DPP10: variants seen among roughly 807,000 people sequenced by gnomAD.
DPP10 encodes the protein inactive dipeptidyl peptidase 10.
DPP10 carries 33 observed loss-of-function variants against 120.9 expected under a neutral mutation model. The observed-to-expected ratio is 0.27, with a 90% CI of 0.21 to 0.37. DPP10 has a LOEUF of 0.37. Ranked by LOEUF, DPP10 falls within the 10% of genes least tolerant of loss-of-function variation. The pLI is 1.00. For synonymous variants in DPP10, 337 were observed against 326.1 expected (o/e 1.03, Z -0.36); for missense variants, 816 against 942.8 (o/e 0.87, Z 1.76).
chr2:115,454,736 G>GA (rs1460932863), intron 3 of DPP10, among the ~76,000 whole-genome samples: 9 of 150,950 alleles, frequency 6.0e-5, no homozygotes, highest in South Asian at 2.1e-4. Flanking sequence ...CATTAAAAAG[G>GA]AAAAAAAAGC....
intron 1 of DPP10, among the ~76,000 whole-genome samples, chr2:114,936,740 C>T (rs1374296429): frequency 6.6e-6 from 1 of 152,090 alleles, no homozygotes; most frequent in Admixed American, 6.6e-5. Flanking sequence ...TTACTGCATC[C>T]ATGCCAACAT....
At chr2:115,125,915 A>G (rs1337274922) in intron 1 of DPP10, among the ~76,000 whole-genome samples, 2 of 152,090 alleles carry the variant, frequency 1.3e-5, no homozygotes, top group Admixed American at 6.5e-5. Context: ...TTTAAATTAG[A>G]TTTTTACCAA....
chr2:114,491,411 G>T (rs1044887010), intron 1 of DPP10, among the ~76,000 whole-genome samples: 2 of 152,084 alleles, frequency 1.3e-5, no homozygotes, highest in South Asian at 4.1e-4. Context: ...AATTAAACTT[G>T]CAATGGATAT....
chr2:115,562,839 CTCCATAGCCAAGGAAGT>C (rs2080771608), intron 5 of DPP10, among the ~76,000 whole-genome samples: 1 of 152,156 alleles, frequency 6.6e-6, no homozygotes, highest in Admixed American at 6.5e-5. Flanking sequence ...CCTTTCTGAT[CTCCATAGCCAAGGAAGT>C]TCCATAGCTA....
chr2:115,644,166 A>G (rs1212653716), intron 5 of DPP10, among the ~76,000 whole-genome samples: 1 of 151,752 alleles, frequency 6.6e-6, no homozygotes, highest in African/African-American at 2.4e-5. Context: ...TTAAATATAT[A>G]TATATTTTTA....
intron 5 of DPP10, among the ~76,000 whole-genome samples, chr2:115,591,161 T>A (rs1251962651): frequency 2.0e-5 from 3 of 152,236 alleles, no homozygotes; most frequent in Non-Finnish European, 2.9e-5. Context: ...TTTAGTTTAA[T>A]TAGATCCCAT....
chr2:115,416,249 A>G (rs921867195), intron 3 of DPP10, among the ~76,000 whole-genome samples: 9 of 152,174 alleles, frequency 5.9e-5, no homozygotes, highest in African/African-American at 1.9e-4. Context: ...CAAGGTTGAT[A>G]AAAAGCAAAA....
At chr2:115,094,947 C>T (rs1225345742) in intron 1 of DPP10, among the ~76,000 whole-genome samples, 1 of 152,080 alleles carries the variant, frequency 6.6e-6, no homozygotes, top group Non-Finnish European at 1.5e-5. Context: ...CATACAAAAA[C>T]AGACAACTGG....
At chr2:115,831,685 A>C (rs978325593) in intron 21 of DPP10, among the ~76,000 whole-genome samples, 4 of 152,218 alleles carry the variant, frequency 2.6e-5, no homozygotes, top group Non-Finnish European at 4.4e-5. Context: ...TGCTTCTCCA[A>C]GTCCTTCTAT....
chr2:114,841,880 G>T (rs763543125), intron 1 of DPP10, among the ~76,000 whole-genome samples: 1 of 152,166 alleles, frequency 6.6e-6, no homozygotes, highest in South Asian at 2.1e-4. Context: ...CACTCATGCT[G>T]GGTCATGCTA....
Position 114,871,237 on chromosome 2 carries a change from TCTC to T in DPP10, c.60+428400_60+428402del, listed in dbSNP as rs758321661. Among the ~76,000 whole-genome samples the T allele has an allele frequency of 4.4e-3, 366 of 83,714 alleles. 38 individuals carry two copies. Among genetic ancestry groups the T allele is most frequent in the East Asian group, 0.038 (35 of 910 alleles). 54.9% of individuals were successfully genotyped at this position (83,714 alleles called of 152,430 possible). A position where few individuals can be genotyped will look rare whatever the true frequency, so the allele number is the denominator to read the frequency against. On this transcript the variant is annotated intron_variant, in intron 1 of 25. Transcript: ENST00000410059. ...GCCCCTTTGGAAAAAAATCCATCTT[TCTC>T]TATTATTGGGGGAAAGAACACTGAA...
intron 5 of DPP10, among the ~76,000 whole-genome samples, chr2:115,603,346 C>T (rs1442785253): frequency 7.4e-6 from 1 of 134,946 alleles, no homozygotes. Flanking sequence ...CCGCCACCCC[C>T]CCAAAAAGAA....
At chr2:115,328,389 A>T (rs2062490723) in intron 2 of DPP10, among the ~76,000 whole-genome samples, 1 of 152,104 alleles carries the variant, frequency 6.6e-6, no homozygotes, top group Non-Finnish European at 1.5e-5. Flanking sequence ...AATTTGGCTA[A>T]TTAGAACTAT....
intron 1 of DPP10, among the ~76,000 whole-genome samples, chr2:114,896,559 T>C (rs1195553940): frequency 1.3e-5 from 2 of 152,180 alleles, no homozygotes; most frequent in Non-Finnish European, 2.9e-5. Flanking sequence ...TGTATAAGAA[T>C]GCTTGTGATT....
intron 1 of DPP10, among the ~76,000 whole-genome samples, chr2:114,849,023 A>T (rs1031248847): frequency 6.6e-6 from 1 of 152,180 alleles, no homozygotes; most frequent in Non-Finnish European, 1.5e-5. Context: ...CACTAATCCC[A>T]TTCATGAGAG....
chr2:115,537,109 C>T (rs1238221957), intron 5 of DPP10, among the ~76,000 whole-genome samples: 1 of 152,042 alleles, frequency 6.6e-6, no homozygotes, highest in Non-Finnish European at 1.5e-5. Flanking sequence ...TTTTAAACTG[C>T]AAGATGCAGG....
chr2:114,646,783 A>T (rs111599433), intron 1 of DPP10, among the ~76,000 whole-genome samples: 4 of 152,300 alleles, frequency 2.6e-5, no homozygotes, highest in African/African-American at 9.6e-5. Context: ...TTATGGCTGA[A>T]AGGAAACCTG....
intron 1 of DPP10, among the ~76,000 whole-genome samples, chr2:115,250,064 AT>A (rs200010425): frequency 6.6e-6 from 1 of 151,616 alleles, no homozygotes; most frequent in Non-Finnish European, 1.5e-5. Flanking sequence ...ACATTAGGCT[AT>A]TTTTTTTCTT....
intron 1 of DPP10, among the ~76,000 whole-genome samples, chr2:114,781,440 CATTT>C (rs141886021): frequency 0.021 from 3,250 of 152,104 alleles, 78 homozygotes; most frequent in African/African-American, 0.044. Context: ...TTTATGTTTT[CATTT>C]ATTTATTATT....
Sources: gnomAD v4.1 joint callset for allele counts (sites outside exome capture counted in the v4.1 genomes callset) on GRCh38, gnomAD v4.1.1 for gene constraint, MANE v1.5 for transcripts, NCBI Gene and HGNC (gene_info 2026-07-23, HGNC 2026-07-21) for gene names.